CSNK2A1: variants seen among roughly 807,000 people sequenced by gnomAD.
CSNK2A1 encodes the protein casein kinase 2 alpha 1, also known as casein kinase II subunit alpha.
A neutral mutation model predicts 62.9 loss-of-function variants in CSNK2A1; 10 were observed. That is an observed-to-expected ratio of 0.16 (90% CI 0.10 to 0.27). CSNK2A1 has a LOEUF of 0.27. Among genes scored for constraint, CSNK2A1 ranks in the 10% least tolerant of loss-of-function variants. The pLI is 1.00. For synonymous variants in CSNK2A1, 124 were observed against 167.8 expected (o/e 0.74, Z 2.02); for missense variants, 160 against 492.0 (o/e 0.33, Z 6.38).
intron 13 of CSNK2A1, among the ~76,000 whole-genome samples, chr20:484,583 C>G (rs2018025293): frequency 6.6e-6 from 1 of 152,152 alleles, no homozygotes; most frequent in South Asian, 2.1e-4. Flanking sequence ...TAGCTGGCAG[C>G]TTTCAAAATT....
At position 499,516 on chromosome 20, in the gene CSNK2A1, A is replaced by T; in HGVS notation, c.316-211T>A. 1.8e-6 allele frequency: 1 copy of T among 556,538 alleles called. No individual in the cohort carries two copies. The highest frequency in any genetic ancestry group is 3.1e-6 in the Non-Finnish European group (1 of 320,252). 34.5% of individuals were successfully genotyped at this position (556,538 alleles called of 1,614,324 possible). A position where few individuals can be genotyped will look rare whatever the true frequency, so the allele number is the denominator to read the frequency against. On this transcript the variant is annotated intron_variant, in intron 5 of 13. Transcript: ENST00000217244. This position sits in a 1 kb window ranked among gnomAD's most constrained non-coding sequence, Gnocchi z 4.2. ...ATTTCAAACAGAAGACATGGAGCTG[A>T]AGTCTCACCAGGCTCTAGGCAGCCC... is the stretch of plus-strand genomic sequence containing the variant.
At chr20:487,305 G>A in intron 12 of CSNK2A1, 122 bp downstream of exon 12, 1 of 1,398,478 alleles carries the variant, frequency 7.2e-7, no homozygotes, top group Middle Eastern at 2.6e-4. Flanking sequence ...CCCACTGGAA[G>A]AATCTGAGGC....
intron 2 of CSNK2A1, among the ~76,000 whole-genome samples, chr20:513,333 C>T (rs533626606): frequency 6.6e-6 from 1 of 152,336 alleles, no homozygotes; most frequent in South Asian, 2.1e-4. Flanking sequence ...ACCTGTCTAA[C>T]TGTGCTTGCA....
chr20:519,370 T>G (rs1326107713), intron 2 of CSNK2A1, among the ~76,000 whole-genome samples: 2 of 151,824 alleles, frequency 1.3e-5, no homozygotes, highest in African/African-American at 4.8e-5. Flanking sequence ...CCAAACAAGA[T>G]CAATAAAAAG....
Position 473,898 on chromosome 20 carries a change from C to A in CSNK2A1, c.*10063G>T, listed in dbSNP as rs1280037089. On this transcript the variant is annotated 3_prime_UTR_variant, in exon 14 of 14. Transcript: ENST00000217244. ...TCCACTTCTAAACCAGTCACAACTG[C>A]CCGAGTCTCACAGCAGCATGGTGGA... is the stretch of plus-strand genomic sequence containing the variant. 2 of 152,348 alleles carry A rather than the reference C, an allele frequency of 1.3e-5. No individual in the cohort carries two copies. Among genetic ancestry groups the A allele is most frequent in the East Asian group, 3.9e-4 (2 of 5,186 alleles). The allele number at this position is 152,348 out of a possible 1,614,324, so 9.4% of individuals were successfully genotyped here. A position where few individuals can be genotyped will look rare whatever the true frequency, so the allele number is the denominator to read the frequency against.
At chr20:512,030 C>T (rs1294169189) in intron 2 of CSNK2A1, among the ~76,000 whole-genome samples, 1 of 152,048 alleles carries the variant, frequency 6.6e-6, no homozygotes, top group Non-Finnish European at 1.5e-5. Flanking sequence ...TTCTCTACAT[C>T]CTTACTAACA....
In CSNK2A1 at chr20:492,355, T is replaced by C; in HGVS notation, c.520A>G (p.Ile174Val). 6.2e-7 allele frequency: 1 copy of C among 1,614,092 alleles called. No homozygotes were observed. The highest frequency in any genetic ancestry group is 8.5e-7 in the Non-Finnish European group (1 of 1,179,982). ...TAAAACTCAGCCAAACCCCAGTCTA[T>C]TAGTCGTAGCTGAAAAAGAATAAAC... The part of the protein sequence containing the change: ...IDHEHRKLRL[I>V]DWGLAEFYHP... The change falls in exon 9 of 14, where the codon ATA (isoleucine) becomes GTA (valine). Residue 174 changes from isoleucine to valine, a missense_variant. Coordinates refer to ENST00000217244, the MANE Select transcript of CSNK2A1 (RefSeq NM_177559.3).
chr20:493,195 A>G (rs1486877732), intron 8 of CSNK2A1, among the ~76,000 whole-genome samples: 1 of 152,164 alleles, frequency 6.6e-6, no homozygotes. Flanking sequence ...TTCACCCTGG[A>G]TTCTTGATTC....
chr20:503,278 G>A, intron 4 of CSNK2A1: 1 of 386,056 alleles, frequency 2.6e-6, no homozygotes, highest in Non-Finnish European at 4.6e-6. Flanking sequence ...TCGAGGACCT[G>A]CGACTAAAGG....
intron 2 of CSNK2A1, among the ~76,000 whole-genome samples, chr20:523,863 A>AAAAAAAAAAAACAAAAAAACAAAAAAAC (rs2019004717): frequency 7.1e-6 from 1 of 141,832 alleles, no homozygotes; most frequent in African/African-American, 2.6e-5. Context: ...CATCTCAAAA[A>AAAAAAAAAAAACAAAAAAACAAAAAAAC]AAAAAAAAAA....
chr20:525,836 T>TAAAAAAAAA (rs397864425), intron 2 of CSNK2A1, among the ~76,000 whole-genome samples: 3 of 71,032 alleles, frequency 4.2e-5, no homozygotes, highest in Non-Finnish European at 8.4e-5. Flanking sequence ...TTAAAACTAT[T>TAAAAAAAAA]AAAAAAAAAA....
intron 2 of CSNK2A1, among the ~76,000 whole-genome samples, chr20:518,708 G>A (rs1198722150): frequency 9.6e-5 from 9 of 94,014 alleles, no homozygotes; most frequent in South Asian, 9.0e-4. Flanking sequence ...CACCACGCCC[G>A]GCTAATTTTT....
intron 13 of CSNK2A1, among the ~76,000 whole-genome samples, chr20:484,694 T>TTGTGTGTGTGTGTGTGTG (rs3055006): frequency 6.8e-6 from 1 of 147,620 alleles, no homozygotes; most frequent in Non-Finnish European, 1.5e-5. Flanking sequence ...AATCATGTTT[T>TTGTGTGTGTGTGTGTGTG]TGTGTGTGTG....
At chr20:538,508 T>A (rs2019381231) in intron 1 of CSNK2A1, among the ~76,000 whole-genome samples, 1 of 152,260 alleles carries the variant, frequency 6.6e-6, no homozygotes, top group Non-Finnish European at 1.5e-5. Context: ...ATCCTCTGAC[T>A]AAAGTTTAGT....
intron 1 of CSNK2A1, among the ~76,000 whole-genome samples, chr20:528,760 C>T (rs1023865853): frequency 2.0e-5 from 3 of 152,074 alleles, no homozygotes; most frequent in African/African-American, 7.2e-5. Context: ...CCATGCCCAG[C>T]CAGATTTATC....
rs199715749 is a variant in CSNK2A1 at position 483,978 on chromosome 20, C to T, written c.1159G>A (p.Ala387Thr). 1.8e-4 allele frequency: 288 copies of T among 1,611,458 alleles called. No individual in the cohort carries two copies. Among genetic ancestry groups the T allele is most frequent in the Admixed American group, 4.5e-4 (27 of 59,766 alleles). Residue 387 changes from alanine to threonine, a missense_variant, in exon 14 of 14, where the codon GCT (alanine) becomes ACT (threonine). This residue lies in a region of CSNK2A1 where 51 missense variants were observed against 108.8 expected (regional missense o/e 0.47). Coordinates refer to ENST00000217244, the MANE Select transcript of CSNK2A1 (RefSeq NM_177559.3). ...NPLGMPVPAA[A>T]GAQQ ...TAGGGCCGTTACTGCTGAGCGCCAGCGGCAGCTGGAACAGGCATCCCAAGG... is the reference window on the plus strand; with the variant it reads ...TAGGGCCGTTACTGCTGAGCGCCAGTGGCAGCTGGAACAGGCATCCCAAGG...
At chr20:485,100 A>ATTT (rs2018057185) in intron 13 of CSNK2A1, among the ~76,000 whole-genome samples, 8 of 54,288 alleles carry the variant, frequency 1.5e-4, no homozygotes, top group Non-Finnish European at 2.8e-4. Flanking sequence ...AAAAAAAAAA[A>ATTT]AAAAAAAAAA....
At chr20:524,869 A>G (rs2019043623) in intron 2 of CSNK2A1, among the ~76,000 whole-genome samples, 1 of 152,144 alleles carries the variant, frequency 6.6e-6, no homozygotes, top group African/African-American at 2.4e-5. Context: ...GGGTCCCTGC[A>G]CTTTGGGAGA....
chr20:509,204 C>G (rs2018666729), intron 2 of CSNK2A1, among the ~76,000 whole-genome samples: 1 of 152,116 alleles, frequency 6.6e-6, no homozygotes, highest in Admixed American at 6.6e-5. Flanking sequence ...TTGGGGGAAC[C>G]TTAAGGTAAT....
Sources: gnomAD v4.1 joint callset for allele counts (sites outside exome capture counted in the v4.1 genomes callset) on GRCh38, gnomAD v4.1.1 for gene constraint, gnomAD v4.1.1 regional missense constraint, Gnocchi (gnomAD v3.1) non-coding constraint, MANE v1.5 for transcripts, NCBI Gene and HGNC (gene_info 2026-07-23, HGNC 2026-07-21) for gene names.